The following SBF2 variants were observed in gnomAD, a reference collection of about 807,000 sequenced individuals.
SBF2 encodes myotubularin-related protein 13.
SBF2 carries 112 observed loss-of-function variants against 225.2 expected under a neutral mutation model. That is an observed-to-expected ratio of 0.50 (90% CI 0.43 to 0.58). The LOEUF is 0.58. Among genes scored for constraint, SBF2 ranks in the 20% least tolerant of loss-of-function variants. SBF2 has a pLI of 0.00. For synonymous variants in SBF2, 763 were observed against 773.3 expected (o/e 0.99, Z 0.22); for missense variants, 1,996 against 2,206.2 (o/e 0.90, Z 1.91).
At chr11:9,791,531 C>A (rs898161460) in intron 33 of SBF2, among the ~76,000 whole-genome samples, 1 of 151,890 alleles carries the variant, frequency 6.6e-6, no homozygotes, top group Non-Finnish European at 1.5e-5. Context: ...ACTGCAGGGT[C>A]CAGTGCAGTA....
intron 2 of SBF2, among the ~76,000 whole-genome samples, chr11:10,069,710 T>G (rs1339579616): frequency 6.6e-6 from 1 of 152,220 alleles, no homozygotes; most frequent in Non-Finnish European, 1.5e-5. Context: ...GTATTTCTAG[T>G]TCTAGATCCT....
At chr11:9,837,813 C>A (rs1258153170) in intron 26 of SBF2, among the ~76,000 whole-genome samples, 1 of 152,108 alleles carries the variant, frequency 6.6e-6, no homozygotes, top group Non-Finnish European at 1.5e-5. Flanking sequence ...CCTCGGCTCA[C>A]TGTAACCTCC....
chr11:10,072,741 T>TG (rs1355432888), intron 2 of SBF2, among the ~76,000 whole-genome samples: 1 of 150,056 alleles, frequency 6.7e-6, no homozygotes, highest in African/African-American at 2.4e-5. Flanking sequence ...TTTCTTTTTT[T>TG]TTTTTTTGGA....
chr11:10,040,812 A>G lies in SBF2; in HGVS notation c.279+2032T>C, dbSNP rs560264011. 3.9e-5 allele frequency among the ~76,000 whole-genome samples: 6 copies of G among 151,938 alleles called. No individual in the cohort carries two copies. The South Asian group carries it at 1.3e-3, about 32-fold the overall frequency. ...AAGAGAGGAAAGAAGGGTAGGGAAG[A>G]AAGACCTCAAATAAAACGATGGGGC... On this transcript the variant is annotated intron_variant, in intron 3 of 39. Coordinates refer to ENST00000256190, the MANE Select transcript of SBF2 (RefSeq NM_030962.4).
chr11:9,934,099 T>TAAA (rs1864707114), intron 16 of SBF2, among the ~76,000 whole-genome samples: 1 of 111,112 alleles, frequency 9.0e-6, no homozygotes, highest in African/African-American at 3.5e-5. Flanking sequence ...TAAATAAAAA[T>TAAA]AAAACATAAA....
In SBF2 at chr11:9,854,250, C is replaced by T. The variant is rs771077977; in HGVS notation, c.2364-538G>A. ...CCTTCTCTTGCCAGGATTTATCACT[C>T]TCTGAGTTAACTGCAACCCATTTGG... is the stretch of plus-strand genomic sequence containing the variant. On this transcript the variant is annotated intron_variant, in intron 19 of 39. Transcript: ENST00000256190. 3.9e-4 allele frequency among the ~76,000 whole-genome samples: 60 copies of T among 152,200 alleles called. 1 individual carries two copies. The highest frequency in any genetic ancestry group is 1.0e-4 in the Non-Finnish European group (7 of 68,042).
intron 2 of SBF2, among the ~76,000 whole-genome samples, chr11:10,162,733 C>A (rs1341762088): frequency 6.6e-6 from 1 of 151,994 alleles, no homozygotes; most frequent in African/African-American, 2.4e-5. Context: ...ATTGAATGAA[C>A]AGAAATGGAT....
chr11:9,860,621 A>C (rs1051740447), intron 17 of SBF2, among the ~76,000 whole-genome samples: 4 of 152,068 alleles, frequency 2.6e-5, no homozygotes, highest in African/African-American at 9.7e-5. Context: ...GTGAGCCCCC[A>C]TGACCAGCCT....
chr11:9,970,511 G>C lies in SBF2; in HGVS notation c.1396-1966C>G, dbSNP rs184526884. ...AATGGCCAACTGCCATCACTTCTTA[G>C]GGCTGCTCCCCACAATTCTTTTTGG... is the stretch of plus-strand genomic sequence containing the variant. On this transcript the variant is annotated intron_variant, in intron 13 of 39. Transcript: ENST00000256190. 1.3e-3 allele frequency among the ~76,000 whole-genome samples: 194 copies of C among 152,178 alleles called. 1 individual carries two copies. The highest frequency in any genetic ancestry group is 2.4e-3 in the Non-Finnish European group (164 of 68,016).
chr11:10,144,269 C>T (rs1954787813), intron 2 of SBF2, among the ~76,000 whole-genome samples: 3 of 152,254 alleles, frequency 2.0e-5, no homozygotes, highest in African/African-American at 2.4e-5. Flanking sequence ...GGGCAGATGG[C>T]TTGAGCCCAG....
intron 6 of SBF2, among the ~76,000 whole-genome samples, chr11:10,018,210 G>C (rs1948720334): frequency 6.6e-6 from 1 of 151,902 alleles, no homozygotes; most frequent in South Asian, 2.1e-4. Context: ...CATTATTACT[G>C]AACTACTGAG....
intron 13 of SBF2, among the ~76,000 whole-genome samples, chr11:9,976,501 G>A (rs1475614234): frequency 6.6e-6 from 1 of 152,098 alleles, no homozygotes; most frequent in Non-Finnish European, 1.5e-5. Context: ...GGAGCGTGAG[G>A]TGGGAGGATC....
chr11:9,955,504 T>C (rs990171081), intron 16 of SBF2, among the ~76,000 whole-genome samples: 2 of 152,164 alleles, frequency 1.3e-5, no homozygotes, highest in Non-Finnish European at 2.9e-5. Context: ...AGCCAAATGG[T>C]AGGCAGTTAG....
intron 16 of SBF2, among the ~76,000 whole-genome samples, chr11:9,901,820 T>C (rs1463719460): frequency 6.6e-6 from 1 of 152,122 alleles, no homozygotes; most frequent in Non-Finnish European, 1.5e-5. Flanking sequence ...AATTTTTGTA[T>C]TTTTTGTAGA....
At chr11:10,128,756 GA>G (rs1456272510) in intron 2 of SBF2, among the ~76,000 whole-genome samples, 1 of 152,120 alleles carries the variant, frequency 6.6e-6, no homozygotes, top group Non-Finnish European at 1.5e-5. Flanking sequence ...TCAACTTGTA[GA>G]AAAAAGAATG....
chr11:10,021,152 T>C (rs1235953237), intron 6 of SBF2, among the ~76,000 whole-genome samples: 1 of 152,316 alleles, frequency 6.6e-6, no homozygotes, highest in East Asian at 1.9e-4. Flanking sequence ...TTAAAGAGTA[T>C]ACTGTGAAAA....
chr11:10,304,022 G>C (rs920249406), intron 1 of SBF2, among the ~76,000 whole-genome samples: 56 of 152,074 alleles, frequency 3.7e-4, no homozygotes, highest in African/African-American at 1.4e-3. Context: ...TAGCGTGTCG[G>C]GCCGAGTAGG....
rs999613566 is a variant in SBF2 at position 9,778,699 on chromosome 11, T to C, written c.*1719A>G. 4 of 152,642 alleles carry C rather than the reference T, an allele frequency of 2.6e-5. No individual in the cohort carries two copies. Among genetic ancestry groups the C allele is most frequent in the Non-Finnish European group, 5.9e-5 (4 of 68,032 alleles). 9.5% of individuals were successfully genotyped at this position (152,642 alleles called of 1,614,324 possible). On this transcript the variant is annotated 3_prime_UTR_variant, in exon 40 of 40. Coordinates refer to ENST00000256190, the MANE Select transcript of SBF2 (RefSeq NM_030962.4). Reference sequence around the variant, plus strand: ...ATGCTTTGTTTTATTCTTGAACCTTTAGTCCCATGTATGAATCCTGAGTGT... The same window carrying C: ...ATGCTTTGTTTTATTCTTGAACCTTCAGTCCCATGTATGAATCCTGAGTGT...
At chr11:9,840,262 A>C (rs1326028836) in intron 25 of SBF2, among the ~76,000 whole-genome samples, 1 of 151,980 alleles carries the variant, frequency 6.6e-6, no homozygotes, top group Non-Finnish European at 1.5e-5. Context: ...CAAAAAAAAA[A>C]AAAAACAAAC....
Sources: gnomAD v4.1 joint callset for allele counts (sites outside exome capture counted in the v4.1 genomes callset) on GRCh38, gnomAD v4.1.1 for gene constraint, MANE v1.5 for transcripts, NCBI Gene and HGNC (gene_info 2026-07-23, HGNC 2026-07-21) for gene names.